Variants in PDZD7 observed in about 807,000 individuals in gnomAD.
PDZD7 encodes the protein PDZ domain containing 7.
A neutral mutation model predicts 84.7 loss-of-function variants in PDZD7; 72 were observed. The ratio of observed to expected loss-of-function variants is 0.85; its 90% CI spans 0.70 to 1.03. The LOEUF (loss-of-function observed/expected upper bound fraction) is 1.03. PDZD7 is among the 50% of genes least tolerant of loss of function. The probability of loss-of-function intolerance (pLI) is 0.00; values close to 1 mark genes in which losing one functional copy is unlikely to be tolerated. For missense variants in PDZD7, 1,490 were observed against 1,412.9 expected, an observed-to-expected ratio of 1.05 and a Z score of -0.87; for synonymous variants, 594 against 580.7, an observed-to-expected ratio of 1.02 and a Z score of -0.33.
Position 101,012,254 on chromosome 10 carries a change from A to C in PDZD7, c.1754T>G (p.Val585Gly). The change falls in exon 12 of 17, where the codon GTG (valine) becomes GGG (glycine). Residue 585 changes from valine (V) to glycine (G), a missense_variant. Transcript: ENST00000619208. ...LAVTRHCSRY[V>G]HEGGIEDLVR... ...CAGGTCCTCTATGCCTCCCTCGTGC[A>C]CATACTGCAGATAGAGGCAGCACAG... The C allele has an allele frequency of 6.5e-7, 1 of 1,549,924 alleles. No homozygotes were observed. The highest frequency in any genetic ancestry group is 2.4e-5 in the East Asian group (1 of 40,914).
Position 101,008,149 on chromosome 10 carries a change from G to T in PDZD7, c.*318C>A. On this transcript the variant is annotated 3_prime_UTR_variant, in exon 17 of 17. Coordinates refer to ENST00000619208, the MANE Select transcript of PDZD7 (RefSeq NM_001195263.2). ...CCTGGAGGCTTGGGCGACTCATAAG[G>T]GACAGCATGTGAGAAAGTGCCCACC... 2.4e-6 allele frequency: 1 copy of T among 420,302 alleles called. No individual in the cohort carries two copies. The highest frequency in any genetic ancestry group is 5.9e-5 in the South Asian group (1 of 16,904). The allele number at this position is 420,302 out of a possible 1,614,324, so 26.0% of individuals were successfully genotyped here.
At chr10:101,026,663 T>TCACACACACACACACACA (rs3051194) in intron 2 of PDZD7, among the ~76,000 whole-genome samples, 1 of 123,778 alleles carries the variant, frequency 8.1e-6, no homozygotes, top group Non-Finnish European at 1.7e-5. Context: ...CAGGGAGAAA[T>TCACACACACACACACACA]CACACACACA....
intron 7 of PDZD7, among the ~76,000 whole-genome samples, chr10:101,019,792 A>G (rs1251288487): frequency 1.3e-5 from 2 of 150,662 alleles, no homozygotes; most frequent in Admixed American, 6.6e-5. Flanking sequence ...CACCCAGCTA[A>G]TTTTTGTATT....
At chr10:101,028,364 G>T (rs371902673) in intron 2 of PDZD7, among the ~76,000 whole-genome samples, 8 of 152,200 alleles carry the variant, frequency 5.3e-5, no homozygotes, top group Non-Finnish European at 1.0e-4. Flanking sequence ...GAGGCCGGAA[G>T]ATCACTTGAG....
At chr10:101,022,496 C>T (rs1159068368) in intron 4 of PDZD7, 111 bp from the exon 5 acceptor site, 3 of 1,322,480 alleles carry the variant, frequency 2.3e-6, no homozygotes, top group African/African-American at 2.9e-5. Context: ...TTGGGGGACT[C>T]CCCAGGCCTG....
At chr10:101,018,365 G>T in intron 8 of PDZD7, 69 bp from the exon 9 acceptor site, 2 of 1,540,428 alleles carry the variant, frequency 1.3e-6, no homozygotes, top group Non-Finnish European at 1.8e-6. Flanking sequence ...GGGCAGGGGT[G>T]TGGGGAGGGA....
Position 101,023,429 on chromosome 10 carries a change from T to G in PDZD7, c.542+7A>C, listed in dbSNP as rs768834825. 1 of 1,614,062 alleles carries G rather than the reference T, an allele frequency of 6.2e-7. No individual in the cohort carries two copies. Among genetic ancestry groups the G allele is most frequent in the Admixed American group, 1.7e-5 (1 of 60,016 alleles). ...GCCAGGGCTAGGATGAGGGAGTTGC[T>G]GCTCACCACGTGGTCTTCTCCTTGG... is the stretch of plus-strand genomic sequence containing the variant. On this transcript the variant is annotated splice_region_variant and intron_variant, in intron 4 of 16. Transcript: ENST00000619208.
At chr10:101,012,659 G>T (rs764004808) in intron 11 of PDZD7, among the ~76,000 whole-genome samples, 4 of 152,176 alleles carry the variant, frequency 2.6e-5, no homozygotes, top group Non-Finnish European at 5.9e-5. Flanking sequence ...ACTGGAACCC[G>T]GGAAGTCTAA....
intron 2 of PDZD7, among the ~76,000 whole-genome samples, chr10:101,027,569 T>C (rs1231061870): frequency 6.6e-6 from 1 of 152,198 alleles, no homozygotes; most frequent in Non-Finnish European, 1.5e-5. Flanking sequence ...ACAGACCCAC[T>C]GGACCAGAAG....
chr10:101,019,076 C>T lies in PDZD7; in HGVS notation c.1070G>A (p.Gly357Asp). ...MDICLGQEEP[G>D]SRGPGWGRAD... ...CCGCCCCCAGCCTGGGCCGCGGCTGCCGGGCTCCTCCTGCCCGAGGCAGAT... is the reference window on the plus strand; with the variant it reads ...CCGCCCCCAGCCTGGGCCGCGGCTGTCGGGCTCCTCCTGCCCGAGGCAGAT... The change falls in exon 8 of 17, where the codon GGC becomes GAC. Residue 357 changes from glycine to aspartate, a missense_variant. By Grantham distance (94) the Gly-to-Asp change is moderately conservative. Transcript: ENST00000619208. 1 of 1,569,016 alleles carries T rather than the reference C, an allele frequency of 6.4e-7. No individual in the cohort carries two copies. Among genetic ancestry groups the T allele is most frequent in the Admixed American group, 1.8e-5 (1 of 54,908 alleles).
chr10:101,018,906 C>T lies in PDZD7; in HGVS notation c.1240G>A (p.Glu414Lys), dbSNP rs974663320. ...AGCAGCAAAGCCGTCTTGGGAGACT[C>T]AGAGAGCGCAGAGTCAAGGCGGCGG... ...PGRRLDSALS[E>K]SPKTALLLAL... The change falls in exon 8 of 17, where the codon GAG (glutamate) becomes AAG (lysine). Residue 414 changes from glutamate to lysine, a missense_variant. Physicochemically the swap from Glu to Lys is moderately conservative, Grantham distance 56. Transcript: ENST00000619208. The T allele has an allele frequency of 6.2e-7, 1 of 1,604,370 alleles. No individual in the cohort carries two copies. Among genetic ancestry groups the T allele is most frequent in the Non-Finnish European group, 8.5e-7 (1 of 1,176,118 alleles).
chr10:101,008,754 C>T lies in PDZD7; in HGVS notation c.2815G>A (p.Ala939Thr). The change falls in exon 17 of 17, where the codon GCC (alanine) becomes ACC (threonine). Residue 939 changes from alanine to threonine, a missense_variant. Ala to Thr is a moderately conservative substitution (Grantham distance 58). Coordinates refer to ENST00000619208, the MANE Select transcript of PDZD7 (RefSeq NM_001195263.2). ...ACCACAAGCTCCATGGGCTCCCGGGCCTTGTTTCGATAAGCCCGACGGATG... is the reference window on the plus strand; with the variant it reads ...ACCACAAGCTCCATGGGCTCCCGGGTCTTGTTTCGATAAGCCCGACGGATG... ...DTIRRAYRNKAREPMELVVRV... is the reference protein window; with the variant it reads ...DTIRRAYRNKTREPMELVVRV... The T allele has an allele frequency of 1.3e-6, 2 of 1,535,832 alleles. No homozygotes were observed. Among genetic ancestry groups the T allele is most frequent in the East Asian group, 2.4e-5 (1 of 40,900 alleles).
intron 2 of PDZD7, among the ~76,000 whole-genome samples, chr10:101,026,199 A>G (rs775485757): frequency 1.8e-4 from 28 of 151,828 alleles, no homozygotes; most frequent in Non-Finnish European, 2.4e-4. Flanking sequence ...CAATGGCTCA[A>G]TCTTGGCTCA....
intron 10 of PDZD7, among the ~76,000 whole-genome samples, 182 bp downstream of exon 10, chr10:101,016,195 T>G (rs1205263217): frequency 6.6e-6 from 1 of 152,176 alleles, no homozygotes; most frequent in East Asian, 1.9e-4. Flanking sequence ...CCACCCTATC[T>G]TTCCTAGTCA....
chr10:101,018,177 G>C lies in PDZD7; in HGVS notation c.1444C>G (p.Arg482Gly). 1 of 1,614,210 alleles carries C rather than the reference G, an allele frequency of 6.2e-7. No homozygotes were observed. Among genetic ancestry groups the C allele is most frequent in the Non-Finnish European group, 8.5e-7 (1 of 1,180,034 alleles). ...FKGGRQGRLARDGRREAWTLD... is the reference protein window; with the variant it reads ...FKGGRQGRLAGDGRREAWTLD... The stretch of plus-strand genomic sequence containing the variant: ...GTCCAGGCCTCTCTGCGCCCGTCCC[G>C]CGCTAGCCTCCCCTGCCGCCCTCCC... The change falls in exon 9 of 17, where the codon CGG (arginine) becomes GGG (glycine). Residue 482 changes from arginine (R) to glycine (G), a missense_variant. Physicochemically the swap from Arg to Gly is moderately radical, Grantham distance 125 (BLOSUM62 -2). Transcript: ENST00000619208.
intron 11 of PDZD7, among the ~76,000 whole-genome samples, 151 bp from the exon 12 acceptor site, chr10:101,012,409 C>CCA (rs1852428158): frequency 1.3e-5 from 2 of 152,214 alleles, no homozygotes; most frequent in South Asian, 2.1e-4. Context: ...CCCCCAGCTG[C>CCA]CACAGGGTGG....
intron 4 of PDZD7, 128 bp downstream of exon 4, chr10:101,023,308 T>C (rs984392468): frequency 2.5e-5 from 28 of 1,106,282 alleles, no homozygotes; most frequent in Non-Finnish European, 3.6e-5. Context: ...GGCCTTTGGA[T>C]CCCCTGCGTT....
intron 12 of PDZD7, 57 bp downstream of exon 12, chr10:101,012,110 G>C: frequency 6.5e-7 from 1 of 1,541,976 alleles, no homozygotes; most frequent in Non-Finnish European, 8.8e-7. Flanking sequence ...GGGAGGTTGG[G>C]GGTGGTACCA....
intron 11 of PDZD7, among the ~76,000 whole-genome samples, chr10:101,015,233 G>A (rs1394953593): frequency 2.0e-5 from 3 of 152,186 alleles, no homozygotes; most frequent in African/African-American, 7.2e-5. Context: ...CTTGCAGAGG[G>A]CAGAGGCAGG....
Sources: gnomAD v4.1 joint callset for allele counts (sites outside exome capture counted in the v4.1 genomes callset) on GRCh38, gnomAD v4.1.1 for gene constraint, MANE v1.5 for transcripts, NCBI Gene and HGNC (gene_info 2026-07-23, HGNC 2026-07-21) for gene names.